Variants in PDE4C observed in about 807,000 individuals in gnomAD.
PDE4C encodes the protein 3',5'-cyclic-AMP phosphodiesterase 4C.
In PDE4C, 50 loss-of-function variants were observed where a neutral mutation model predicts 63.9. The observed-to-expected ratio is 0.78, with a 90% CI of 0.62 to 0.99. The LOEUF is 0.99. Ranked by LOEUF, PDE4C falls within the 50% of genes least tolerant of loss-of-function variation. The pLI, the probability that PDE4C is intolerant of heterozygous loss-of-function variation, is 0.00. For missense variants in PDE4C, 777 were observed against 899.1 expected (o/e 0.86, Z 1.74); for synonymous variants, 377 against 385.1 (o/e 0.98, Z 0.25).
At chr19:18,244,157 T>A (rs187781587) in intron 1 of PDE4C, among the ~76,000 whole-genome samples, 1 of 152,118 alleles carries the variant, frequency 6.6e-6, no homozygotes, top group East Asian at 1.9e-4. Flanking sequence ...AGGCATGAAC[T>A]GCTGCACCTG....
chr19:18,214,156 G>T (rs773483921), intron 12 of PDE4C, among the ~76,000 whole-genome samples: 5 of 151,904 alleles, frequency 3.3e-5, no homozygotes, highest in Non-Finnish European at 5.9e-5. Flanking sequence ...TACTCGGAAG[G>T]CTGAGGCAGG....
intron 9 of PDE4C, 90 bp from the exon 10 acceptor site, chr19:18,218,588 G>C: frequency 1.4e-6 from 2 of 1,423,998 alleles, no homozygotes; most frequent in Non-Finnish European, 2.0e-6. Flanking sequence ...TCCTATCTAT[G>C]CCTCAAGCAC....
At chr19:18,252,169 G>A, upstream of PDE4C, 1 of 399,250 alleles carries the variant, frequency 2.5e-6, no homozygotes, top group Non-Finnish European at 4.4e-6. Flanking sequence ...GAACTGGGGA[G>A]GGTGGAATGG....
At chr19:18,224,406 C>T in intron 1 of PDE4C, 3 of 985,560 alleles carry the variant, frequency 3.0e-6, no homozygotes, top group Non-Finnish European at 3.6e-6. Context: ...CGGCACCCCG[C>T]GTAGGCTCAG....
intron 1 of PDE4C, chr19:18,232,872 A>C: frequency 1.5e-6 from 2 of 1,367,882 alleles, no homozygotes. Context: ...CTGGAGAAGC[A>C]AGGACCCTCC....
At chr19:18,249,868 C>T (rs1969210137), upstream of PDE4C, 3 of 356,872 alleles carry the variant, frequency 8.4e-6, no homozygotes, top group Admixed American at 9.4e-5. Flanking sequence ...CCACCGCACC[C>T]AGCCAAGTGA....
chr19:18,213,432 A>C (rs1405940951), exon 13 of PDE4C: 7 of 1,613,664 alleles, frequency 4.3e-6, no homozygotes, highest in Non-Finnish European at 5.9e-6. Flanking sequence ...CTTGGTCTCC[A>C]CCATGGTCTT....
At chr19:18,218,247 G>A (rs896397694) in exon 11 of PDE4C, 12 of 1,614,090 alleles carry the variant, frequency 7.4e-6, no homozygotes, top group Non-Finnish European at 1.0e-5. Context: ...TGTGAACACA[G>A]CCTGAGCAGG....
At chr19:18,230,857 C>A (rs974280836), upstream of PDE4C, among the ~76,000 whole-genome samples, 7 of 152,192 alleles carry the variant, frequency 4.6e-5, no homozygotes, top group African/African-American at 1.2e-4. Context: ...GACACAGCTT[C>A]TTATCCATGG....
chr19:18,247,935 A>G (rs541287025), intron 1 of PDE4C, among the ~76,000 whole-genome samples: 47 of 152,298 alleles, frequency 3.1e-4, no homozygotes, highest in Non-Finnish European at 6.0e-4. Context: ...ATCCAGGGAC[A>G]GCAGCCAGGT....
upstream of PDE4C, among the ~76,000 whole-genome samples, chr19:18,235,320 G>A (rs373546650): frequency 2.0e-5 from 3 of 152,108 alleles, no homozygotes; most frequent in Non-Finnish European, 2.9e-5. Context: ...ACAAGCACCC[G>A]CCACCACACC....
intron 1 of PDE4C, among the ~76,000 whole-genome samples, chr19:18,222,659 C>T (rs1257922642): frequency 1.1e-4 from 2 of 18,644 alleles, no homozygotes; most frequent in Admixed American, 6.3e-4. Context: ...CTCGTTCTTT[C>T]TCTCTCTCTC....
intron 12 of PDE4C, among the ~76,000 whole-genome samples, chr19:18,214,327 C>G (rs760658656): frequency 6.6e-6 from 1 of 151,738 alleles, no homozygotes; most frequent in South Asian, 2.1e-4. Context: ...CCAACTGTGA[C>G]CCCACAGGGC....
intron 1 of PDE4C, among the ~76,000 whole-genome samples, chr19:18,240,142 AAAT>A: frequency 6.6e-6 from 1 of 151,690 alleles, no homozygotes; most frequent in East Asian, 2.0e-4. Context: ...AAAAAAGTAA[AAAT>A]AAAAATAAAA....
chr19:18,249,145 A>AAG (rs778960832), upstream of PDE4C, among the ~76,000 whole-genome samples: 2 of 152,058 alleles, frequency 1.3e-5, no homozygotes. Context: ...AAAAGAAAAA[A>AAG]AGAGAGAGAG....
chr19:18,218,366 T>G, exon 10 of PDE4C: 1 of 1,614,210 alleles, frequency 6.2e-7, no homozygotes, highest in Non-Finnish European at 8.5e-7. Flanking sequence ...AGCACATGCG[T>G]GGACTGGGCC....
At chr19:18,241,016 C>G (rs1168544317) in intron 1 of PDE4C, among the ~76,000 whole-genome samples, 1 of 152,048 alleles carries the variant, frequency 6.6e-6, no homozygotes, top group African/African-American at 2.4e-5. Flanking sequence ...TAGGACTGTT[C>G]CCCGCATTTG....
intron 1 of PDE4C, among the ~76,000 whole-genome samples, chr19:18,224,840 G>A (rs1247967508): frequency 4.6e-5 from 7 of 152,226 alleles, no homozygotes; most frequent in Admixed American, 1.3e-4. Context: ...TGGGCGCTGT[G>A]GTGCAATGGG....
At chr19:18,244,874 C>T (rs1969104458) in intron 1 of PDE4C, among the ~76,000 whole-genome samples, 1 of 151,600 alleles carries the variant, frequency 6.6e-6, no homozygotes, top group African/African-American at 2.4e-5. Context: ...CTCACTCCTT[C>T]ACCCAGGCTG....
Sources: gnomAD v4.1 joint callset for allele counts (sites outside exome capture counted in the v4.1 genomes callset) on GRCh38, gnomAD v4.1.1 for gene constraint, MANE v1.5 for transcripts, NCBI Gene and HGNC (gene_info 2026-07-23, HGNC 2026-07-21) for gene names.